The following ITCH variants were observed in gnomAD, a reference collection of about 807,000 sequenced individuals.
ITCH encodes itchy E3 ubiquitin protein ligase, also known as E3 ubiquitin-protein ligase Itchy homolog.
A neutral mutation model predicts 126.8 loss-of-function variants in ITCH; 28 were observed. That is an observed-to-expected ratio of 0.22 (90% CI 0.16 to 0.30). ITCH has a LOEUF of 0.30. Ranked by LOEUF, ITCH falls within the 10% of genes least tolerant of loss-of-function variation. The pLI, the probability that ITCH is intolerant of heterozygous loss-of-function variation, is 1.00. For synonymous variants in ITCH, 342 were observed against 340.0 expected, an observed-to-expected ratio of 1.01 and a Z score of -0.06; for missense variants, 631 against 1,032.4, an observed-to-expected ratio of 0.61 and a Z score of 5.33.
At chr20:34,420,280 C>G (rs933999017) in intron 6 of ITCH, among the ~76,000 whole-genome samples, 1 of 152,188 alleles carries the variant, frequency 6.6e-6, no homozygotes, top group Non-Finnish European at 1.5e-5. Flanking sequence ...CTAATCTGCT[C>G]TCTGTCTCTA....
At chr20:34,388,167 G>A (rs2038358293) in intron 2 of ITCH, among the ~76,000 whole-genome samples, 1 of 149,928 alleles carries the variant, frequency 6.7e-6, no homozygotes, top group Non-Finnish European at 1.5e-5. Context: ...GTGCAGTCAC[G>A]GTTCACTGCT....
At chr20:34,494,954 A>G (rs1451372285) in intron 23 of ITCH, among the ~76,000 whole-genome samples, 1 of 149,772 alleles carries the variant, frequency 6.7e-6, no homozygotes, top group African/African-American at 2.5e-5. Context: ...GTGAGACCCT[A>G]TCTTAAAAAT....
chr20:34,478,306 AG>A (rs1395006563), intron 17 of ITCH, among the ~76,000 whole-genome samples: 2 of 152,252 alleles, frequency 1.3e-5, no homozygotes, highest in Non-Finnish European at 2.9e-5. Context: ...TACAGGTAAT[AG>A]TTACTCAGTT....
chr20:34,401,714 A>T (rs2038890751), intron 3 of ITCH: 8 of 192,446 alleles, frequency 4.2e-5, no homozygotes, highest in South Asian at 1.8e-4. Flanking sequence ...TTAATGAATT[A>T]AAAAAAAAAA....
intron 2 of ITCH, among the ~76,000 whole-genome samples, chr20:34,370,965 G>A (rs1031206203): frequency 5.9e-5 from 9 of 151,970 alleles, no homozygotes; most frequent in African/African-American, 1.9e-4. Flanking sequence ...TCAGGAGATC[G>A]AGACCATCCT....
At chr20:34,375,858 A>G (rs2037824628) in intron 2 of ITCH, among the ~76,000 whole-genome samples, 2 of 151,440 alleles carry the variant, frequency 1.3e-5, no homozygotes, top group Non-Finnish European at 2.9e-5. Context: ...ATATTTTTCA[A>G]AATTAAAAAG....
In ITCH at chr20:34,476,312, C is replaced by T. The variant is rs538549105; in HGVS notation, c.1570-1460C>T. On this transcript the variant is annotated intron_variant, in intron 16 of 24. Coordinates refer to ENST00000374864, the MANE Select transcript of ITCH (RefSeq NM_031483.7). The stretch of plus-strand genomic sequence containing the variant: ...GAGCTGCTCCGCGCCCCTGCCGACA[C>T]GCTCAGCGGCCGGCTCGCCTCCGCG... 65 of 1,045,710 alleles carry T rather than the reference C, an allele frequency of 6.2e-5. 3 individuals carry two copies. In the Admixed American group the frequency reaches 1.0e-3, roughly 16 times the overall value. The allele number at this position is 1,045,710 out of a possible 1,614,324, so 64.8% of individuals were successfully genotyped here.
chr20:34,497,672 G>T (rs757287811), intron 23 of ITCH, among the ~76,000 whole-genome samples: 2 of 151,902 alleles, frequency 1.3e-5, no homozygotes, highest in African/African-American at 4.8e-5. Flanking sequence ...TCTGCCTCCC[G>T]GGTTCAAGTG....
intron 17 of ITCH, 67 bp downstream of exon 17, chr20:34,477,927 C>A: frequency 1.9e-6 from 3 of 1,594,828 alleles, no homozygotes; most frequent in Admixed American, 1.7e-5. Context: ...ACTTCGCTTG[C>A]AAGTATTATT....
chr20:34,467,677 C>CTT (rs1987200238), intron 14 of ITCH, among the ~76,000 whole-genome samples: 2 of 130,678 alleles, frequency 1.5e-5, no homozygotes, highest in African/African-American at 2.8e-5. Flanking sequence ...TTTTCTTTTT[C>CTT]ATTTTTTTTT....
intron 3 of ITCH, among the ~76,000 whole-genome samples, chr20:34,395,232 C>CAAA (rs75300869): frequency 1.3e-5 from 1 of 76,932 alleles, no homozygotes; most frequent in Non-Finnish European, 2.7e-5. Context: ...GACTCCATCT[C>CAAA]AAAAAAAAAA....
At chr20:34,477,136 A>G (rs1001640892) in intron 16 of ITCH, among the ~76,000 whole-genome samples, 1 of 152,186 alleles carries the variant, frequency 6.6e-6, no homozygotes, top group African/African-American at 2.4e-5. Context: ...ACCAAACCTA[A>G]TAACCAAACC....
chr20:34,467,776 C>T (rs535254581), intron 14 of ITCH, among the ~76,000 whole-genome samples: 3 of 147,784 alleles, frequency 2.0e-5, no homozygotes, highest in East Asian at 2.0e-4. Flanking sequence ...ACCTCGGCCT[C>T]CCTGGTTCAA....
intron 7 of ITCH, among the ~76,000 whole-genome samples, chr20:34,433,542 G>A (rs1982603250): frequency 6.6e-6 from 1 of 151,826 alleles, no homozygotes; most frequent in African/African-American, 2.4e-5. Context: ...GCCAGGTGTG[G>A]TTGGGTGTGC....
At chr20:34,472,854 T>A (rs1987778772) in intron 16 of ITCH, among the ~76,000 whole-genome samples, 1 of 152,208 alleles carries the variant, frequency 6.6e-6, no homozygotes, top group Non-Finnish European at 1.5e-5. Flanking sequence ...TCACAGGCCA[T>A]TCCCCACCCT....
At chr20:34,475,139 C>T (rs369726172) in intron 16 of ITCH, among the ~76,000 whole-genome samples, 10 of 151,564 alleles carry the variant, frequency 6.6e-5, no homozygotes, top group African/African-American at 2.2e-4. Flanking sequence ...GATGGGATGG[C>T]GGCCGGGCAG....
chr20:34,402,141 G>A, intron 3 of ITCH: 1 of 1,044,962 alleles, frequency 9.6e-7, no homozygotes, highest in Non-Finnish European at 1.5e-6. Flanking sequence ...GCTCTGGAGA[G>A]ATGTTCCTAG....
chr20:34,448,660 A>C (rs1458133109), intron 11 of ITCH, among the ~76,000 whole-genome samples: 1 of 152,146 alleles, frequency 6.6e-6, no homozygotes, highest in East Asian at 1.9e-4. Flanking sequence ...TTACTGAAGA[A>C]GAAAGGGTTT....
chr20:34,466,429 A>T (rs746544325), intron 14 of ITCH: 1 of 520,282 alleles, frequency 1.9e-6, no homozygotes, highest in Non-Finnish European at 3.9e-6. Flanking sequence ...TTACTTTCTA[A>T]TTTTATACTT....
Sources: gnomAD v4.1 joint callset for allele counts (sites outside exome capture counted in the v4.1 genomes callset) on GRCh38, gnomAD v4.1.1 for gene constraint, MANE v1.5 for transcripts, NCBI Gene and HGNC (gene_info 2026-07-23, HGNC 2026-07-21) for gene names.